The following SESN3 variants were observed in gnomAD, a reference collection of about 807,000 sequenced individuals.
SESN3 encodes the protein sestrin-3.
Under a neutral mutation model 55.3 loss-of-function variants are expected in SESN3, and 21 were observed. The observed-to-expected ratio is 0.38, with a 90% CI of 0.27 to 0.55. SESN3 has a LOEUF of 0.55. Among genes scored for constraint, SESN3 ranks in the 20% least tolerant of loss-of-function variants. The probability of loss-of-function intolerance (pLI) is 0.76; values close to 1 mark genes in which losing one functional copy is unlikely to be tolerated. For missense variants in SESN3, 408 were observed against 604.3 expected, an observed-to-expected ratio of 0.68 and a Z score of 3.41; for synonymous variants, 181 against 203.1, an observed-to-expected ratio of 0.89 and a Z score of 0.93.
intron 1 of SESN3, among the ~76,000 whole-genome samples, chr11:95,215,435 A>G (rs1165887972): frequency 1.3e-5 from 2 of 152,180 alleles, no homozygotes; most frequent in African/African-American, 4.8e-5. Flanking sequence ...TTTAAATAAA[A>G]CGATAGCTAC....
At chr11:95,194,582 C>G (rs1323682420) in intron 1 of SESN3, among the ~76,000 whole-genome samples, 1 of 151,950 alleles carries the variant, frequency 6.6e-6, no homozygotes, top group African/African-American at 2.4e-5. Flanking sequence ...ATACTCTTAA[C>G]CTGGTAAAGT....
chr11:95,212,284 G>C (rs1860670313), intron 1 of SESN3, among the ~76,000 whole-genome samples: 1 of 151,972 alleles, frequency 6.6e-6, no homozygotes, highest in South Asian at 2.1e-4. Flanking sequence ...AAAGTCAAAA[G>C]GTATAGTTTT....
At chr11:95,179,673 C>T (rs1209023670) in intron 6 of SESN3, among the ~76,000 whole-genome samples, 1 of 152,008 alleles carries the variant, frequency 6.6e-6, no homozygotes, top group East Asian at 1.9e-4. Context: ...TTTTTGATGT[C>T]GTTATCATTA....
At chr11:95,186,193 A>AGTGTGTGTGTGTGTGT (rs1860160243) in intron 4 of SESN3, among the ~76,000 whole-genome samples, 1 of 18,008 alleles carries the variant, frequency 5.6e-5, no homozygotes, top group Non-Finnish European at 1.2e-4. Context: ...TCTATCTCTC[A>AGTGTGTGTGTGTGTGT]CTGTGTGTGT....
intron 1 of SESN3, among the ~76,000 whole-genome samples, chr11:95,199,355 C>G (rs1467675557): frequency 6.6e-6 from 1 of 151,900 alleles, no homozygotes. Flanking sequence ...TTACAGATAC[C>G]TCATTATAGC....
At chr11:95,197,869 G>A (rs1035713532) in intron 1 of SESN3, among the ~76,000 whole-genome samples, 2 of 152,040 alleles carry the variant, frequency 1.3e-5, no homozygotes, top group African/African-American at 2.4e-5. Flanking sequence ...TAGAGAACTC[G>A]CTAGCTCTTC....
intron 1 of SESN3, among the ~76,000 whole-genome samples, chr11:95,214,064 T>C (rs890046701): frequency 6.6e-6 from 1 of 152,212 alleles, no homozygotes; most frequent in African/African-American, 2.4e-5. Flanking sequence ...AATTTTCTTT[T>C]TTCATGAGAT....
chr11:95,197,234 G>A (rs1860377977), intron 1 of SESN3, among the ~76,000 whole-genome samples: 1 of 152,026 alleles, frequency 6.6e-6, no homozygotes, highest in African/African-American at 2.4e-5. Context: ...TCACATAACT[G>A]AAATTTTATT....
intron 6 of SESN3, among the ~76,000 whole-genome samples, chr11:95,181,383 A>G (rs1014140352): frequency 3.3e-5 from 5 of 152,254 alleles, no homozygotes; most frequent in South Asian, 2.1e-4. Flanking sequence ...AAAGAAATGT[A>G]CAAAGGTCCC....
chr11:95,193,091 G>A (rs1006821756), intron 2 of SESN3, among the ~76,000 whole-genome samples: 9 of 152,004 alleles, frequency 5.9e-5, no homozygotes, highest in Admixed American at 2.0e-4. Context: ...CTTCTCCAGT[G>A]CATGGTGCAT....
chr11:95,224,560 T>A, intron 1 of SESN3: 1 of 373,686 alleles, frequency 2.7e-6, no homozygotes, highest in South Asian at 2.0e-5. Context: ...CTCAATGAGT[T>A]ATGTAAATCT....
At position 95,231,019 on chromosome 11, in the gene SESN3, A is replaced by G. The variant is rs892686226; in HGVS notation, c.-159T>C. The G allele has an allele frequency of 2.4e-5, 11 of 460,168 alleles. No individual in the cohort carries two copies. The East Asian group carries it at 3.5e-4, about 15-fold the overall frequency. 28.5% of individuals were successfully genotyped at this position (460,168 alleles called of 1,614,324 possible). A position where few individuals can be genotyped will look rare whatever the true frequency, so the allele number is the denominator to read the frequency against. ...GAGGAGAGGCGACTGCCTGAAAGCT[A>G]GCGGCACTGCCAGAGGCGACCACCG... is the stretch of plus-strand genomic sequence containing the variant. On this transcript the variant is annotated 5_prime_UTR_variant, in exon 1 of 10. Coordinates refer to ENST00000536441, the MANE Select transcript of SESN3 (RefSeq NM_144665.4).
intron 1 of SESN3, among the ~76,000 whole-genome samples, chr11:95,214,333 G>A (rs1306988317): frequency 3.9e-5 from 6 of 152,080 alleles, no homozygotes; most frequent in Non-Finnish European, 5.9e-5. Flanking sequence ...TAACTTAGAG[G>A]TAATATGAGG....
rs1861040839 is a variant in SESN3 at position 95,230,707 on chromosome 11, G to A, written c.78+76C>T. The A allele has an allele frequency of 9.0e-7, 1 of 1,114,832 alleles. No individual in the cohort carries two copies. The highest frequency in any genetic ancestry group is 1.3e-6 in the Non-Finnish European group (1 of 760,198). The allele number at this position is 1,114,832 out of a possible 1,614,324, so 69.1% of individuals were successfully genotyped here. On this transcript the variant is annotated intron_variant, in intron 1 of 9. Transcript: ENST00000536441. This position sits in a 1 kb window ranked among gnomAD's most constrained non-coding sequence, Gnocchi z 4.6. The stretch of plus-strand genomic sequence containing the variant: ...TCCCTCTCAGCCTCCCCCAGTGCGC[G>A]CCCGGGGACGAGCCGCCCGAGCCCC...
chr11:95,201,877 G>A (rs1860465856), intron 1 of SESN3, among the ~76,000 whole-genome samples: 1 of 151,960 alleles, frequency 6.6e-6, no homozygotes, highest in Non-Finnish European at 1.5e-5. Context: ...AAAGGTAATT[G>A]GTAGTTTTAA....
chr11:95,218,430 T>A (rs1284255429), intron 1 of SESN3, among the ~76,000 whole-genome samples: 1 of 152,208 alleles, frequency 6.6e-6, no homozygotes, highest in Non-Finnish European at 1.5e-5. Flanking sequence ...GAGCACTTAA[T>A]GTTTCCAAAA....
At chr11:95,180,073 A>G (rs895882696) in intron 6 of SESN3, among the ~76,000 whole-genome samples, 8 of 152,208 alleles carry the variant, frequency 5.3e-5, no homozygotes, top group African/African-American at 1.9e-4. Context: ...ACTAGCTTCT[A>G]GTCTAGAAAA....
At chr11:95,217,151 T>C (rs1860774595) in intron 1 of SESN3, among the ~76,000 whole-genome samples, 1 of 151,970 alleles carries the variant, frequency 6.6e-6, no homozygotes, top group African/African-American at 2.4e-5. Context: ...TATATGCTTA[T>C]ACATCATGTG....
intron 1 of SESN3, among the ~76,000 whole-genome samples, chr11:95,203,144 C>G (rs768869633): frequency 6.6e-6 from 1 of 151,998 alleles, no homozygotes; most frequent in Admixed American, 6.6e-5. Context: ...ACCAGCTTGA[C>G]TATAGTATTA....
Sources: gnomAD v4.1 joint callset for allele counts (sites outside exome capture counted in the v4.1 genomes callset) on GRCh38, gnomAD v4.1.1 for gene constraint, Gnocchi (gnomAD v3.1) non-coding constraint, MANE v1.5 for transcripts, NCBI Gene and HGNC (gene_info 2026-07-23, HGNC 2026-07-21) for gene names.